NTM: variants seen among roughly 807,000 people sequenced by gnomAD.
The protein encoded by NTM is neurotrimin.
Under a neutral mutation model 42.1 loss-of-function variants are expected in NTM, and 13 were observed. The observed-to-expected ratio is 0.31, with a 90% CI of 0.20 to 0.49. NTM has a LOEUF of 0.49. NTM is among the 20% of genes least tolerant of loss of function. NTM has a pLI of 0.99. For synonymous variants in NTM, 187 were observed against 179.2 expected, an observed-to-expected ratio of 1.04 and a Z score of -0.35; for missense variants, 373 against 452.8, an observed-to-expected ratio of 0.82 and a Z score of 1.60.
chr11:131,530,169 T>C (rs1454553477), intron 1 of NTM, among the ~76,000 whole-genome samples: 5 of 152,204 alleles, frequency 3.3e-5, no homozygotes, highest in African/African-American at 9.7e-5. Context: ...CAGTGTCCCC[T>C]TCATCTGAGA....
chr11:132,219,945 G>A (rs969494014), intron 4 of NTM, among the ~76,000 whole-genome samples: 2 of 152,106 alleles, frequency 1.3e-5, no homozygotes, highest in Non-Finnish European at 2.9e-5. Context: ...GATATTCAAA[G>A]GTGCTTAATC....
At chr11:131,622,223 T>C (rs1420958660) in intron 1 of NTM, among the ~76,000 whole-genome samples, 1 of 152,224 alleles carries the variant, frequency 6.6e-6, no homozygotes, top group Non-Finnish European at 1.5e-5. Flanking sequence ...GTTTCATCTA[T>C]TAAATATAAT....
At chr11:131,645,015 C>T (rs1011432200) in intron 1 of NTM, among the ~76,000 whole-genome samples, 4 of 152,094 alleles carry the variant, frequency 2.6e-5, no homozygotes, top group South Asian at 2.1e-4. Flanking sequence ...TCTGGGTCCA[C>T]GTTTGGGGAT....
At chr11:131,986,843 C>A (rs1315492104) in intron 2 of NTM, among the ~76,000 whole-genome samples, 1 of 152,094 alleles carries the variant, frequency 6.6e-6, no homozygotes, top group Non-Finnish European at 1.5e-5. Context: ...GATCCTTATT[C>A]CTTAGTCTTA....
intron 3 of NTM, among the ~76,000 whole-genome samples, chr11:132,172,996 G>A (rs1344866758): frequency 2.0e-5 from 3 of 152,182 alleles, no homozygotes; most frequent in African/African-American, 7.2e-5. Flanking sequence ...CAACTCACAT[G>A]TCATCCTATA....
intron 3 of NTM, among the ~76,000 whole-genome samples, chr11:132,203,113 T>A (rs147001796): frequency 6.6e-6 from 1 of 152,334 alleles, no homozygotes; most frequent in African/African-American, 2.4e-5. Context: ...TGGGGTCCTG[T>A]TGCACAGCGC....
intron 1 of NTM, among the ~76,000 whole-genome samples, chr11:131,570,839 T>G (rs1185025037): frequency 6.6e-6 from 1 of 152,180 alleles, no homozygotes; most frequent in Non-Finnish European, 1.5e-5. Flanking sequence ...GATAAATAAA[T>G]ACAAAATAAT....
Position 132,053,793 on chromosome 11 carries a change from G to A in NTM, c.168-92489G>A, listed in dbSNP as rs533488756. 1.1e-4 allele frequency among the ~76,000 whole-genome samples: 16 copies of A among 152,290 alleles called. No individual in the cohort carries two copies. In the South Asian group the frequency reaches 2.1e-3, roughly 20 times the overall value. On this transcript the variant is annotated intron_variant, in intron 2 of 8. Transcript: ENST00000683400. ...TCTAAAGCAGAAGGCACTTAATGTA[G>A]GTTCTTTATTTTTTTGTGCTGATTA...
At chr11:131,970,400 G>A (rs993950047) in intron 2 of NTM, among the ~76,000 whole-genome samples, 1 of 152,156 alleles carries the variant, frequency 6.6e-6, no homozygotes, top group Non-Finnish European at 1.5e-5. Flanking sequence ...CTTCCGATTT[G>A]GTACTGAGCT....
At chr11:131,532,885 T>C (rs2051507775) in intron 1 of NTM, among the ~76,000 whole-genome samples, 1 of 152,206 alleles carries the variant, frequency 6.6e-6, no homozygotes, top group Non-Finnish European at 1.5e-5. Context: ...GAGAAACGTC[T>C]ATTCAAGTCC....
intron 1 of NTM, among the ~76,000 whole-genome samples, chr11:131,490,042 C>T (rs936453958): frequency 1.4e-4 from 21 of 152,142 alleles, no homozygotes; most frequent in Admixed American, 3.3e-4. Flanking sequence ...GATTGCATGG[C>T]GAGAGAGGAA....
intron 1 of NTM, among the ~76,000 whole-genome samples, chr11:131,744,871 G>C (rs540040886): frequency 1.3e-5 from 2 of 152,136 alleles, no homozygotes; most frequent in Non-Finnish European, 2.9e-5. Context: ...TCAGTGCAGC[G>C]TTCGTATCAC....
chr11:131,876,071 A>G (rs2048497271), intron 1 of NTM, among the ~76,000 whole-genome samples: 1 of 152,198 alleles, frequency 6.6e-6, no homozygotes, highest in Non-Finnish European at 1.5e-5. Flanking sequence ...TGGCATTTGA[A>G]GGGGGATAAA....
chr11:131,538,921 CTTT>C (rs58463755), intron 1 of NTM, among the ~76,000 whole-genome samples: 4 of 102,390 alleles, frequency 3.9e-5, no homozygotes, highest in Admixed American at 2.5e-4. Context: ...GTTAACTTAG[CTTT>C]TTTTTTTTTT....
intron 4 of NTM, among the ~76,000 whole-genome samples, chr11:132,289,076 A>T (rs2094358988): frequency 6.6e-6 from 1 of 152,104 alleles, no homozygotes; most frequent in African/African-American, 2.4e-5. Context: ...AATGTCCACC[A>T]TCATATTTGT....
At chr11:131,904,780 G>A (rs1358153279) in intron 1 of NTM, among the ~76,000 whole-genome samples, 1 of 152,176 alleles carries the variant, frequency 6.6e-6, no homozygotes, top group African/African-American at 2.4e-5. Flanking sequence ...AGAGAAAGCT[G>A]CCTCCTCTTT....
intron 2 of NTM, among the ~76,000 whole-genome samples, chr11:132,133,741 A>G (rs1394621928): frequency 6.6e-6 from 1 of 152,150 alleles, no homozygotes; most frequent in African/African-American, 2.4e-5. Flanking sequence ...GGACGTTTCC[A>G]TGCTTCTGTT....
intron 1 of NTM, among the ~76,000 whole-genome samples, chr11:131,595,580 T>C (rs1441902296): frequency 6.6e-6 from 1 of 152,160 alleles, no homozygotes; most frequent in Non-Finnish European, 1.5e-5. Context: ...TAAATGATAT[T>C]TAGAGAGCTG....
chr11:132,046,380 G>A (rs1399219450), intron 2 of NTM, among the ~76,000 whole-genome samples: 2 of 142,952 alleles, frequency 1.4e-5, no homozygotes, highest in African/African-American at 5.4e-5. Flanking sequence ...ATAAGAAAAA[G>A]GAAAAGAAAA....
Sources: allele counts gnomAD v4.1 joint callset (sites outside exome capture counted in the v4.1 genomes callset), GRCh38; gene constraint gnomAD v4.1.1; transcripts MANE v1.5; gene names NCBI Gene and HGNC (gene_info 2026-07-23, HGNC 2026-07-21).